Variants in ESRRB observed in about 807,000 individuals in gnomAD.
ESRRB encodes estrogen related receptor beta.
ESRRB carries 16 observed loss-of-function variants against 46.0 expected under a neutral mutation model. The observed-to-expected ratio is 0.35, with a 90% CI of 0.24 to 0.53. The LOEUF (loss-of-function observed/expected upper bound fraction) is 0.53. ESRRB is among the 20% of genes least tolerant of loss of function. ESRRB has a pLI of 0.93. For missense variants in ESRRB, 488 were observed against 607.4 expected, an observed-to-expected ratio of 0.80 and a Z score of 2.07; for synonymous variants, 246 against 259.6, an observed-to-expected ratio of 0.95 and a Z score of 0.50.
chr14:76,411,085 AT>A (rs1319663167), intron 1 of ESRRB, among the ~76,000 whole-genome samples: 1 of 150,912 alleles, frequency 6.6e-6, no homozygotes, highest in Non-Finnish European at 1.5e-5. Flanking sequence ...CGCCTGGCCC[AT>A]TCATTTCTTC....
chr14:76,449,761 C>CTTT lies in ESRRB; in HGVS notation c.460+10026_460+10028dup, dbSNP rs79764142. 6.8e-3 allele frequency among the ~76,000 whole-genome samples: 864 copies of CTTT among 126,232 alleles called. 23 individuals carry two copies. The highest frequency in any genetic ancestry group is 0.025 in the African/African-American group (792 of 32,168). The allele number at this position is 126,232 out of a possible 152,430, so 82.8% of individuals were successfully genotyped here. On this transcript the variant is annotated intron_variant, in intron 2 of 6. Transcript: ENST00000644823. ...GCAATTTTCTCTCTTTTTTTCTTTC[C>CTTT]TTTTTTTTTTTTTTTTTGGTCCTTG...
chr14:76,391,637 C>G lies in ESRRB; in HGVS notation c.50+15186C>G, dbSNP rs143602612. ...GAGTCTTTCACTTTACCCTGAGCTC[C>G]TCAAGGGCCCATCTGGTTCTGATTC... On this transcript the variant is annotated intron_variant, in intron 1 of 6. Coordinates refer to ENST00000644823, the MANE Select transcript of ESRRB (RefSeq NM_001379180.1). Among the ~76,000 whole-genome samples the G allele has an allele frequency of 3.5e-3, 532 of 152,352 alleles. 1 individual carries two copies. The highest frequency in any genetic ancestry group is 7.3e-3 in the Admixed American group (111 of 15,308).
At chr14:76,314,741 C>A (rs1176792819) in intron 1 of ESRRB, among the ~76,000 whole-genome samples, 95 of 152,028 alleles carry the variant, frequency 6.2e-4, no homozygotes, top group Admixed American at 6.2e-3. Context: ...CAAGGTCGAG[C>A]AATGTCAAGG....
At chr14:76,329,463 T>G (rs753335) in intron 1 of ESRRB, among the ~76,000 whole-genome samples, 120,712 of 152,044 alleles carry the variant, frequency 0.79, 48,060 homozygotes, top group Middle Eastern at 0.88. Flanking sequence ...CACAGCACAC[T>G]CCAGGCACTG....
intron 3 of ESRRB, among the ~76,000 whole-genome samples, chr14:76,475,427 G>A (rs948580214): frequency 1.3e-5 from 2 of 151,772 alleles, no homozygotes; most frequent in African/African-American, 4.8e-5. Context: ...GTCCTTTGGT[G>A]TCCTTTTGGT....
intron 2 of ESRRB, among the ~76,000 whole-genome samples, chr14:76,441,279 C>G (rs1887911850): frequency 6.6e-6 from 1 of 152,116 alleles, no homozygotes; most frequent in African/African-American, 2.4e-5. Context: ...GTGGTGGCAC[C>G]CTCTTTCTGT....
intron 1 of ESRRB, among the ~76,000 whole-genome samples, chr14:76,392,927 T>TG (rs1292740344): frequency 1.3e-5 from 2 of 152,100 alleles, no homozygotes; most frequent in African/African-American, 4.8e-5. Flanking sequence ...AAGAGCCACT[T>TG]GGGGGTGGTC....
chr14:76,465,045 G>A (rs1409131425), intron 3 of ESRRB, among the ~76,000 whole-genome samples: 2 of 152,134 alleles, frequency 1.3e-5, no homozygotes, highest in East Asian at 3.9e-4. Flanking sequence ...GGGCCACTTG[G>A]TCACAGCGTG....
intron 1 of ESRRB, among the ~76,000 whole-genome samples, chr14:76,320,813 C>T (rs955105476): frequency 2.0e-5 from 3 of 152,052 alleles, no homozygotes; most frequent in African/African-American, 7.2e-5. Context: ...CTGAGCTGCC[C>T]CAAACAAAGC....
chr14:76,445,466 C>CAAAAAAAAAA (rs747627410), intron 2 of ESRRB, among the ~76,000 whole-genome samples: 1 of 79,804 alleles, frequency 1.3e-5, no homozygotes, highest in Non-Finnish European at 2.8e-5. Context: ...AACTCCGTCT[C>CAAAAAAAAAA]AAAAAAAAAA....
At chr14:76,363,161 C>T (rs538524968) in intron 1 of ESRRB, among the ~76,000 whole-genome samples, 7 of 152,238 alleles carry the variant, frequency 4.6e-5, no homozygotes, top group South Asian at 2.1e-4. Flanking sequence ...TTGGAAGAAA[C>T]GAAAATAAAA....
At chr14:76,334,456 G>C (rs74067824) in intron 1 of ESRRB, among the ~76,000 whole-genome samples, 1 of 152,146 alleles carries the variant, frequency 6.6e-6, no homozygotes, top group African/African-American at 2.4e-5. Flanking sequence ...GCAGCCTCGC[G>C]CTCACAGCCG....
intron 3 of ESRRB, among the ~76,000 whole-genome samples, chr14:76,462,980 G>A (rs996430938): frequency 1.3e-5 from 2 of 152,174 alleles, no homozygotes; most frequent in African/African-American, 4.8e-5. Context: ...GTAGGCTTAA[G>A]AGGCTGTTAT....
intron 1 of ESRRB, among the ~76,000 whole-genome samples, chr14:76,433,033 A>G (rs1887522411): frequency 6.6e-6 from 1 of 151,790 alleles, no homozygotes; most frequent in South Asian, 2.1e-4. Context: ...TTCCAGTAGG[A>G]CCCCACCCTT....
rs200608319 is a variant in ESRRB at position 76,420,568 on chromosome 14, T to TGA, written c.51-18772_51-18771insAG. Among the ~76,000 whole-genome samples, 76 of 150,738 alleles carry TGA rather than the reference T, an allele frequency of 5.0e-4. 1 individual carries two copies. In the East Asian group the frequency reaches 6.6e-3, roughly 13 times the overall value. On this transcript the variant is annotated intron_variant, in intron 1 of 6. Transcript: ENST00000644823. ...CTCCTACAGGGTGTGAGTGTGTGTG[T>TGA]GTGTGTGTGTGTGTGTGTGTGTGTG...
intron 1 of ESRRB, among the ~76,000 whole-genome samples, chr14:76,393,104 C>T (rs1885532982): frequency 6.6e-6 from 1 of 152,220 alleles, no homozygotes; most frequent in Non-Finnish European, 1.5e-5. Flanking sequence ...CTGTAAGGTG[C>T]TGTAGCCAGG....
chr14:76,444,100 TG>T (rs1888033152), intron 2 of ESRRB, among the ~76,000 whole-genome samples: 1 of 152,038 alleles, frequency 6.6e-6, no homozygotes, highest in South Asian at 2.1e-4. Context: ...CTCGCTCTGT[TG>T]CCCAGGCTGG....
In ESRRB at chr14:76,439,366, G is replaced by C. The variant is rs748245324; in HGVS notation, c.76G>C (p.Asp26His). ...GCTGCTGAACAGGATGTCCTCGGAC[G>C]ACAGGCACCTGGGCTCCAGCTGCGG... Reference protein sequence around the residue: ...NQLLNRMSSDDRHLGSSCGSF... With the variant: ...NQLLNRMSSDHRHLGSSCGSF... Residue 26 changes from aspartate to histidine, a missense_variant, in exon 2 of 7, where the codon GAC (aspartate) becomes CAC (histidine). Transcript: ENST00000644823. 29 of 1,613,516 alleles carry C rather than the reference G, an allele frequency of 1.8e-5. No individual in the cohort carries two copies. Among genetic ancestry groups the C allele is most frequent in the Middle Eastern group, 3.3e-4 (2 of 6,082 alleles).
intron 1 of ESRRB, among the ~76,000 whole-genome samples, chr14:76,358,835 CAT>C (rs1440253695): frequency 2.0e-5 from 3 of 152,194 alleles, no homozygotes; most frequent in Non-Finnish European, 4.4e-5. Flanking sequence ...GAGCTTAAAA[CAT>C]GTAGAATCTG....
Sources: allele counts gnomAD v4.1 joint callset (sites outside exome capture counted in the v4.1 genomes callset), GRCh38; gene constraint gnomAD v4.1.1; transcripts MANE v1.5; gene names NCBI Gene and HGNC (gene_info 2026-07-23, HGNC 2026-07-21).